Variants in EDARADD observed in about 807,000 individuals in gnomAD.
EDARADD encodes the protein EDAR associated via death domain.
A neutral mutation model predicts 25.6 loss-of-function variants in EDARADD; 20 were observed. The observed-to-expected ratio is 0.78, with a 90% CI of 0.55 to 1.14. The LOEUF (loss-of-function observed/expected upper bound fraction) is 1.14. EDARADD is among the 50% of genes most tolerant of loss of function. The pLI is 0.00. For missense variants in EDARADD, 225 were observed against 270.1 expected, an observed-to-expected ratio of 0.83 and a Z score of 1.17; for synonymous variants, 86 against 94.4, an observed-to-expected ratio of 0.91 and a Z score of 0.52.
At chr1:236,363,565 A>T (rs994494057) in intron 3 of EDARADD, among the ~76,000 whole-genome samples, 3 of 150,674 alleles carry the variant, frequency 2.0e-5, no homozygotes, top group South Asian at 2.1e-4. Context: ...CAAATGATTT[A>T]TATTTATTTA....
chr1:236,391,275 T>C (rs1667423694), upstream of EDARADD, among the ~76,000 whole-genome samples: 1 of 152,032 alleles, frequency 6.6e-6, no homozygotes, highest in Non-Finnish European at 1.5e-5. Context: ...CCTAATTGCT[T>C]GGATTGAGGA....
intron 5 of EDARADD, among the ~76,000 whole-genome samples, chr1:236,475,183 T>A (rs1659468746): frequency 6.6e-6 from 1 of 151,988 alleles, no homozygotes; most frequent in African/African-American, 2.4e-5. Context: ...ATAAAATAAA[T>A]AATCCCATTT....
intron 3 of EDARADD, among the ~76,000 whole-genome samples, chr1:236,383,683 T>C (rs1156685740): frequency 6.6e-6 from 1 of 152,164 alleles, no homozygotes; most frequent in Non-Finnish European, 1.5e-5. Context: ...CTACCTCTGA[T>C]ATTAATCTGC....
intron 5 of EDARADD, among the ~76,000 whole-genome samples, chr1:236,471,827 G>A (rs761764111): frequency 6.6e-6 from 1 of 152,146 alleles, no homozygotes; most frequent in Non-Finnish European, 1.5e-5. Context: ...TCCCTGCAGG[G>A]AGGCACATTA....
intron 2 of EDARADD, chr1:236,348,991 A>G (rs1300100566): frequency 6.6e-6 from 1 of 152,142 alleles, no homozygotes; most frequent in Non-Finnish European, 1.5e-5. Context: ...AAATAAAAAT[A>G]AAAACAAGGC....
At position 236,394,376 on chromosome 1, in the gene EDARADD, T is replaced by C. The variant is rs1265476373; in HGVS notation, c.-69T>C. The stretch of plus-strand genomic sequence containing the variant: ...ACTCTGGCCAGACAACCAGCGAGCA[T>C]CTTCTCGCAATCTGTTGCTTCTTCC... On this transcript the variant is annotated 5_prime_UTR_variant, in exon 1 of 6. Transcript: ENST00000334232. 4.5e-6 allele frequency: 7 copies of C among 1,542,032 alleles called. No individual in the cohort carries two copies. Among genetic ancestry groups the C allele is most frequent in the Non-Finnish European group, 6.3e-6 (7 of 1,114,568 alleles).
chr1:236,382,937 C>G (rs983425474), intron 3 of EDARADD, among the ~76,000 whole-genome samples: 2 of 152,132 alleles, frequency 1.3e-5, no homozygotes, highest in Non-Finnish European at 2.9e-5. Flanking sequence ...GGGGGACATT[C>G]TATAGATCTC....
At chr1:236,419,914 G>A (rs1268347422) in intron 3 of EDARADD, among the ~76,000 whole-genome samples, 4 of 152,114 alleles carry the variant, frequency 2.6e-5, no homozygotes, top group Admixed American at 1.3e-4. Flanking sequence ...ACGGTGACTC[G>A]CGCCTGTAAT....
chr1:236,387,424 G>A (rs1188772069), intron 3 of EDARADD, among the ~76,000 whole-genome samples: 360 of 33,400 alleles, frequency 0.011, no homozygotes, highest in Middle Eastern at 0.025. Flanking sequence ...GGAGGTGAGG[G>A]GCGCCTCTGC....
intron 4 of EDARADD, among the ~76,000 whole-genome samples, chr1:236,454,099 G>A (rs564817117): frequency 3.5e-4 from 54 of 152,206 alleles, no homozygotes; most frequent in South Asian, 3.1e-3. Flanking sequence ...AGGCTGGAGT[G>A]CAGTGGCGTG....
At chr1:236,434,051 A>G (rs1269554921) in intron 4 of EDARADD, among the ~76,000 whole-genome samples, 2 of 152,296 alleles carry the variant, frequency 1.3e-5, no homozygotes, top group East Asian at 3.9e-4. Context: ...GCAGCACGGT[A>G]TGCCCATCTG....
intron 5 of EDARADD, among the ~76,000 whole-genome samples, chr1:236,469,261 G>T (rs1465164712): frequency 4.6e-5 from 7 of 152,096 alleles, no homozygotes; most frequent in Admixed American, 4.6e-4. Context: ...ATCACTTGAG[G>T]CCAGGAGTTC....
chr1:236,453,278 C>CTTTTTTTT (rs71672500), intron 4 of EDARADD, among the ~76,000 whole-genome samples: 36 of 133,876 alleles, frequency 2.7e-4, no homozygotes, highest in Non-Finnish European at 3.5e-4. Context: ...TTCTTTTTTT[C>CTTTTTTTT]TTTTTTTTTT....
intron 1 of EDARADD, among the ~76,000 whole-genome samples, chr1:236,402,729 C>T (rs912684526): frequency 2.0e-5 from 3 of 151,868 alleles, no homozygotes; most frequent in Non-Finnish European, 4.4e-5. Flanking sequence ...ACTTCTAGAA[C>T]CTGATTATAC....
At chr1:236,359,423 G>A (rs1163139838) in intron 3 of EDARADD, among the ~76,000 whole-genome samples, 2 of 152,204 alleles carry the variant, frequency 1.3e-5, no homozygotes, top group Non-Finnish European at 2.9e-5. Flanking sequence ...CGCCATGTGA[G>A]GACATAGTGT....
intron 4 of EDARADD, among the ~76,000 whole-genome samples, chr1:236,461,633 A>C (rs1011303696): frequency 2.0e-5 from 3 of 152,094 alleles, no homozygotes; most frequent in African/African-American, 4.8e-5. Flanking sequence ...CAGGTGTAGA[A>C]GTCATAAGCG....
intron 3 of EDARADD, 47 bp from the exon 4 acceptor site, chr1:236,427,345 T>TA (rs780910235): frequency 1.9e-6 from 3 of 1,583,840 alleles, no homozygotes; most frequent in African/African-American, 2.7e-5. Flanking sequence ...GTGTGCTTTT[T>TA]AAAATCACAC....
chr1:236,483,942 G>C lies in EDARADD; in HGVS notation c.*1293G>C. On this transcript the variant is annotated 3_prime_UTR_variant, in exon 6 of 6. Coordinates refer to ENST00000334232, the MANE Select transcript of EDARADD (RefSeq NM_145861.4). ...CTTCAGGTCTGGAAAGTATGACCTG[G>C]AATTCAAGTTTCTCGACGACCCCAC... The C allele has an allele frequency of 7.3e-7, 1 of 1,370,198 alleles. No homozygotes were observed. The highest frequency in any genetic ancestry group is 1.2e-5 in the South Asian group (1 of 85,866). The allele number at this position is 1,370,198 out of a possible 1,614,324, so 84.9% of individuals were successfully genotyped here.
Position 236,452,042 on chromosome 1 carries a change from G to A in EDARADD, c.220-16189G>A, listed in dbSNP as rs542929744. Reference sequence around the variant, plus strand: ...TGTGCCATCATCCAGGGCGGCTCCAGCTAGCATCTTGCTTCCTCATGCCCA... The same window carrying A: ...TGTGCCATCATCCAGGGCGGCTCCAACTAGCATCTTGCTTCCTCATGCCCA... On this transcript the variant is annotated intron_variant, in intron 4 of 5. Transcript: ENST00000334232. Among the ~76,000 whole-genome samples, 18 of 152,316 alleles carry A rather than the reference G, an allele frequency of 1.2e-4. No homozygotes were observed. In the South Asian group the frequency reaches 3.7e-3, roughly 32 times the overall value.
Sources: allele counts gnomAD v4.1 joint callset (sites outside exome capture counted in the v4.1 genomes callset), GRCh38; gene constraint gnomAD v4.1.1; transcripts MANE v1.5; gene names NCBI Gene and HGNC (gene_info 2026-07-23, HGNC 2026-07-21).